CDH13: variants seen among roughly 807,000 people sequenced by gnomAD.
CDH13 encodes the protein cadherin-13.
Under a neutral mutation model 63.8 loss-of-function variants are expected in CDH13, and 24 were observed. The observed-to-expected ratio is 0.38, with a 90% CI of 0.27 to 0.53. The LOEUF (loss-of-function observed/expected upper bound fraction) is 0.53, where lower values mean the gene tolerates loss of function less well. Among genes scored for constraint, CDH13 ranks in the 20% least tolerant of loss-of-function variants. CDH13 has a pLI of 0.85. For synonymous variants in CDH13, 503 were observed against 355.3 expected, an observed-to-expected ratio of 1.42 and a Z score of -4.67; for missense variants, 1,049 against 903.1, an observed-to-expected ratio of 1.16 and a Z score of -2.07.
intron 2 of CDH13, among the ~76,000 whole-genome samples, chr16:83,019,169 C>T (rs1597150641): frequency 6.6e-6 from 1 of 152,202 alleles, no homozygotes; most frequent in Non-Finnish European, 1.5e-5. Flanking sequence ...TAACACTTAG[C>T]TTACAACACA....
intron 3 of CDH13, among the ~76,000 whole-genome samples, chr16:83,111,276 T>C (rs2035044726): frequency 1.3e-5 from 2 of 152,282 alleles, no homozygotes; most frequent in South Asian, 4.1e-4. Context: ...TTTCTATTGA[T>C]ATAATATCAT....
intron 1 of CDH13, among the ~76,000 whole-genome samples, chr16:82,676,869 G>T (rs938826666): frequency 1.3e-5 from 1 of 77,256 alleles, no homozygotes; most frequent in Non-Finnish European, 3.1e-5. Context: ...GGGTTTCTTT[G>T]TTTTTTGTTT....
chr16:83,234,759 G>GT (rs1278669135), intron 5 of CDH13, among the ~76,000 whole-genome samples: 3 of 152,204 alleles, frequency 2.0e-5, no homozygotes, highest in Non-Finnish European at 4.4e-5. Context: ...GGTAAAGATT[G>GT]TTTTTGTCCA....
chr16:82,769,303 A>G (rs1054691928), intron 1 of CDH13, among the ~76,000 whole-genome samples: 3 of 152,228 alleles, frequency 2.0e-5, no homozygotes, highest in Non-Finnish European at 4.4e-5. Flanking sequence ...CCGTGGCAGA[A>G]GAATATTGAC....
chr16:82,682,687 T>A (rs1441498711), intron 1 of CDH13, among the ~76,000 whole-genome samples: 4 of 152,204 alleles, frequency 2.6e-5, no homozygotes, highest in Non-Finnish European at 5.9e-5. Flanking sequence ...AAGGTTGTAT[T>A]CTTGGAGGTG....
At chr16:83,184,134 A>C in intron 4 of CDH13, among the ~76,000 whole-genome samples, 1 of 141,754 alleles carries the variant, frequency 7.1e-6, no homozygotes, top group African/African-American at 2.9e-5. Context: ...ACATACACAC[A>C]CACACAACTA....
chr16:82,876,747 T>C (rs2040519945), intron 2 of CDH13, among the ~76,000 whole-genome samples: 1 of 152,206 alleles, frequency 6.6e-6, no homozygotes, highest in South Asian at 2.1e-4. Context: ...GAGCCCACTT[T>C]GTGGTCTAGC....
intron 1 of CDH13, among the ~76,000 whole-genome samples, chr16:82,767,244 G>A (rs551380606): frequency 1.1e-4 from 16 of 152,292 alleles, no homozygotes; most frequent in African/African-American, 3.8e-4. Context: ...CCAAAGCATT[G>A]CCAAAATGCA....
intron 8 of CDH13, among the ~76,000 whole-genome samples, chr16:83,605,504 G>A (rs1908243429): frequency 6.6e-6 from 1 of 152,126 alleles, no homozygotes; most frequent in Non-Finnish European, 1.5e-5. Context: ...CATGTTAAGT[G>A]CTCTACATCC....
At chr16:83,658,084 C>T (rs1271743998) in intron 8 of CDH13, among the ~76,000 whole-genome samples, 5 of 127,584 alleles carry the variant, frequency 3.9e-5, no homozygotes, top group Non-Finnish European at 6.7e-5. Flanking sequence ...CATGTCCTCA[C>T]CAGCAAGGTC....
intron 3 of CDH13, among the ~76,000 whole-genome samples, chr16:83,115,397 G>C (rs1368895552): frequency 6.6e-6 from 1 of 152,214 alleles, no homozygotes; most frequent in African/African-American, 2.4e-5. Flanking sequence ...GGTGAATCCA[G>C]GACTAGGATC....
chr16:83,264,749 GT>G (rs139277239), intron 5 of CDH13, among the ~76,000 whole-genome samples: 10 of 146,428 alleles, frequency 6.8e-5, no homozygotes, highest in South Asian at 2.2e-4. Context: ...CCTTTGGCTG[GT>G]TTTTTTTTTC....
intron 7 of CDH13, among the ~76,000 whole-genome samples, chr16:83,511,869 A>G (rs981820964): frequency 1.3e-5 from 2 of 152,166 alleles, no homozygotes; most frequent in African/African-American, 4.8e-5. Context: ...CTCCCTTCCT[A>G]GCTTTGAGGC....
chr16:82,665,161 C>A (rs543178646), intron 1 of CDH13, among the ~76,000 whole-genome samples: 1 of 152,270 alleles, frequency 6.6e-6, no homozygotes, highest in Non-Finnish European at 1.5e-5. Context: ...TTTTCATGAA[C>A]CATTTAATGC....
At chr16:82,953,898 G>A (rs1446664422) in intron 2 of CDH13, 18 of 152,172 alleles carry the variant, frequency 1.2e-4, no homozygotes, top group Admixed American at 1.2e-3. Flanking sequence ...GCCAGACATA[G>A]TGCTGAAATG....
chr16:83,238,299 G>C (rs1904281092), intron 5 of CDH13, among the ~76,000 whole-genome samples: 1 of 152,170 alleles, frequency 6.6e-6, no homozygotes, highest in Non-Finnish European at 1.5e-5. Context: ...TGGAAGGAAG[G>C]AACAAAGGCA....
rs549898087 is a variant in CDH13, at chr16:83,495,725, A to G, written c.960+9070A>G. ...GGCTGGAAAGTAAGCCACATTATGT[A>G]GGGTTAAATGAAAGCCCTCTTTTGA... On this transcript the variant is annotated intron_variant, in intron 7 of 13. Transcript: ENST00000567109. Among the ~76,000 whole-genome samples, 73 of 152,332 alleles carry G rather than the reference A, an allele frequency of 4.8e-4. 1 individual carries two copies. The highest frequency in any genetic ancestry group is 1.8e-3 in the African/African-American group (73 of 41,574).
intron 10 of CDH13, among the ~76,000 whole-genome samples, chr16:83,728,125 G>A (rs1910627078): frequency 6.6e-6 from 1 of 152,150 alleles, no homozygotes; most frequent in Non-Finnish European, 1.5e-5. Flanking sequence ...GCCTGGAAAG[G>A]GGGAACAGCA....
intron 7 of CDH13, among the ~76,000 whole-genome samples, chr16:83,565,967 A>T (rs1452828952): frequency 6.6e-6 from 1 of 152,182 alleles, no homozygotes; most frequent in Non-Finnish European, 1.5e-5. Context: ...CTCATGCTAT[A>T]GCGTTTGCAC....
Sources: allele counts gnomAD v4.1 joint callset (sites outside exome capture counted in the v4.1 genomes callset), GRCh38; gene constraint gnomAD v4.1.1; transcripts MANE v1.5; gene names NCBI Gene and HGNC (gene_info 2026-07-23, HGNC 2026-07-21).